The following RGS9 variants were observed in gnomAD, a reference collection of about 807,000 sequenced individuals.
The protein encoded by RGS9 is regulator of G-protein signalling 9.
A neutral mutation model predicts 102.0 loss-of-function variants in RGS9; 78 were observed. That is an observed-to-expected ratio of 0.76 (90% CI 0.64 to 0.92). The LOEUF (loss-of-function observed/expected upper bound fraction) is 0.92. RGS9 is among the 40% of genes least tolerant of loss of function. RGS9 has a pLI of 0.00. For missense variants in RGS9, 833 were observed against 866.1 expected (o/e 0.96, Z 0.48); for synonymous variants, 353 against 318.6 (o/e 1.11, Z -1.15).
At chr17:65,188,987 C>A in intron 9 of RGS9, 1 of 468,020 alleles carries the variant, frequency 2.1e-6, no homozygotes, top group Non-Finnish European at 3.9e-6. Context: ...ATTCTGTAGG[C>A]ACTATGCTAA....
chr17:65,161,777 T>C (rs1430754847), intron 6 of RGS9, among the ~76,000 whole-genome samples: 2 of 151,986 alleles, frequency 1.3e-5, no homozygotes, highest in Non-Finnish European at 2.9e-5. Context: ...TGGCCTATAG[T>C]GGTGCAGTCT....
At chr17:65,149,823 T>G (rs564780266) in intron 1 of RGS9, among the ~76,000 whole-genome samples, 1 of 152,200 alleles carries the variant, frequency 6.6e-6, no homozygotes. Flanking sequence ...CCCCATTTTA[T>G]GGAGAGAAAG....
At chr17:65,188,930 T>C (rs1912245538) in intron 9 of RGS9, 1 of 297,598 alleles carries the variant, frequency 3.4e-6, no homozygotes, top group African/African-American at 2.2e-5. Flanking sequence ...CATTTTTCTC[T>C]TAATCCATAT....
rs200149534 is a variant in RGS9, at chr17:65,225,004, G to C, written c.1410G>C (p.Pro470=). 6.2e-7 allele frequency: 1 copy of C among 1,613,554 alleles called. No individual in the cohort carries two copies. The highest frequency in any genetic ancestry group is 8.5e-7 in the Non-Finnish European group (1 of 1,179,990). Residue 470 remains proline (P), a splice_region_variant and synonymous_variant, in exon 18 of 19, where the codon CCG becomes CCC. Coordinates refer to ENST00000262406, the MANE Select transcript of RGS9 (RefSeq NM_003835.4). ...EAANTVDITQ[P]GQHMAPSPHL... is the part of the protein sequence containing the mutation. ...CTCTCTCCTTTCCTTCTCTACAGCC[G>C]GGCCAGCACATGGCTCCCAGCCCCC...
chr17:65,214,617 C>T (rs1311236625), intron 17 of RGS9, among the ~76,000 whole-genome samples: 1 of 152,200 alleles, frequency 6.6e-6, no homozygotes, highest in East Asian at 1.9e-4. Context: ...AGCCCAGGCA[C>T]GGCTACTGCT....
chr17:65,225,785 G>A (rs75671069), intron 18 of RGS9, among the ~76,000 whole-genome samples: 10,242 of 152,196 alleles, frequency 0.067, 873 homozygotes, highest in East Asian at 0.29. Context: ...TCCCAAGACC[G>A]TTATTAGTCT....
At chr17:65,149,218 C>A (rs1325351308) in intron 1 of RGS9, among the ~76,000 whole-genome samples, 2 of 152,112 alleles carry the variant, frequency 1.3e-5, no homozygotes, top group East Asian at 1.9e-4. Context: ...AAGTGATCCA[C>A]CCGCCTTGGC....
At chr17:65,186,919 C>T (rs1912146175) in intron 9 of RGS9, among the ~76,000 whole-genome samples, 1 of 152,108 alleles carries the variant, frequency 6.6e-6, no homozygotes. Flanking sequence ...TCTGAATAAC[C>T]CACTCCAGCA....
chr17:65,225,346 G>A lies in RGS9; in HGVS notation c.1752G>A (p.Arg584=). 6.2e-7 allele frequency: 1 copy of A among 1,611,674 alleles called. No homozygotes were observed. Among genetic ancestry groups the A allele is most frequent in the South Asian group, 1.1e-5 (1 of 91,090 alleles). Residue 584 remains arginine (R), a synonymous_variant, in exon 18 of 19, where the codon AGG becomes AGA. Transcript: ENST00000262406. ...PKARMALSFS[R]FLRRGCLASP... Reference sequence around the variant, plus strand: ...CCCGCATGGCTCTGTCCTTCAGCAGGTTTCTGAGACGAGGCTGTCTGGCCT... The same window carrying A: ...CCCGCATGGCTCTGTCCTTCAGCAGATTTCTGAGACGAGGCTGTCTGGCCT...
In RGS9 at chr17:65,219,984, CATCATCATCACT is replaced by C. The variant is rs1447313465; in HGVS notation, c.1408-5006_1408-4995del. Among the ~76,000 whole-genome samples the C allele has an allele frequency of 3.3e-5, 5 of 150,062 alleles. No homozygotes were observed. In the East Asian group the frequency reaches 9.7e-4, roughly 29 times the overall value. On this transcript the variant is annotated intron_variant, in intron 17 of 18. Transcript: ENST00000262406. ...ACCATCACCATTAATACACAATCATCATCATCATCACTATCATCATCACCATCAACATCACCA... is the reference window on the plus strand; with the variant it reads ...ACCATCACCATTAATACACAATCATCATCATCATCACCATCAACATCACCA...
In RGS9 at chr17:65,212,392, G is replaced by A. The variant is rs757092771; in HGVS notation, c.1407+1787G>A. On this transcript the variant is annotated intron_variant, in intron 17 of 18. Transcript: ENST00000262406. ...GGTACTGGGATAGGAAAGATGGGAT[G>A]TGTGTAGGCTATGCCCCTGCTAGCT... 1.2e-4 allele frequency among the ~76,000 whole-genome samples: 18 copies of A among 152,228 alleles called. 1 individual carries two copies. The highest frequency in any genetic ancestry group is 6.5e-5 in the Admixed American group (1 of 15,280).
rs541997493 is a variant in RGS9 at position 65,205,450 on chromosome 17, T to C, written c.1203+1149T>C. Among the ~76,000 whole-genome samples the C allele has an allele frequency of 4.6e-5, 7 of 152,220 alleles. No homozygotes were observed. The East Asian group carries it at 1.4e-3, about 29-fold the overall frequency. ...ACCATCTGATATAGGTTATATGAGATAGATTATATGACATAGGTTGCGTGA... is the reference window on the plus strand; with the variant it reads ...ACCATCTGATATAGGTTATATGAGACAGATTATATGACATAGGTTGCGTGA... On this transcript the variant is annotated intron_variant, in intron 15 of 18. Coordinates refer to ENST00000262406, the MANE Select transcript of RGS9 (RefSeq NM_003835.4).
At chr17:65,183,768 A>G (rs1161647100) in intron 9 of RGS9, among the ~76,000 whole-genome samples, 1 of 151,978 alleles carries the variant, frequency 6.6e-6, no homozygotes, top group East Asian at 1.9e-4. Flanking sequence ...CTCTGCAGAT[A>G]CCTGCCTGGC....
In RGS9 at chr17:65,202,444, T is replaced by TGTGTGTGTGAGAGA. The variant is rs3838367; in HGVS notation, c.1064+365_1064+366insTGTGTGTGAGAGAG. On this transcript the variant is annotated intron_variant, in intron 14 of 18. Transcript: ENST00000262406. The stretch of plus-strand genomic sequence containing the variant: ...GTGTGTGTGTGTGTGTGTGTGTGTG[T>TGTGTGTGTGAGAGA]GAGAGAGAGAGAGAGAGAGAGAGTG... Among the ~76,000 whole-genome samples the TGTGTGTGTGAGAGA allele has an allele frequency of 5.1e-3, 675 of 131,730 alleles. 4 individuals carry two copies. Among genetic ancestry groups the TGTGTGTGTGAGAGA allele is most frequent in the African/African-American group, 6.5e-3 (212 of 32,540 alleles). 86.4% of individuals were successfully genotyped at this position (131,730 alleles called of 152,430 possible).
At chr17:65,209,205 C>T (rs1317732701) in intron 16 of RGS9, among the ~76,000 whole-genome samples, 1 of 152,172 alleles carries the variant, frequency 6.6e-6, no homozygotes, top group Non-Finnish European at 1.5e-5. Context: ...ACCAGGACTA[C>T]AGTGGGTGTG....
At chr17:65,223,257 A>G (rs1905440644) in intron 17 of RGS9, among the ~76,000 whole-genome samples, 1 of 152,232 alleles carries the variant, frequency 6.6e-6, no homozygotes, top group Non-Finnish European at 1.5e-5. Flanking sequence ...GATTGTTATT[A>G]CTATAATAAC....
rs1001216465 is a variant in RGS9, at chr17:65,214,486, T to A, written c.1407+3881T>A. Among the ~76,000 whole-genome samples, 5 of 152,110 alleles carry A rather than the reference T, an allele frequency of 3.3e-5. No individual in the cohort carries two copies. In the East Asian group the frequency reaches 9.7e-4, roughly 29 times the overall value. On this transcript the variant is annotated intron_variant, in intron 17 of 18. Coordinates refer to ENST00000262406, the MANE Select transcript of RGS9 (RefSeq NM_003835.4). Reference sequence around the variant, plus strand: ...GAGGAACCCAGAGGTGGGAGAGAATTGTTTGGCTGGGGGATCATGATAAGG... The same window carrying A: ...GAGGAACCCAGAGGTGGGAGAGAATAGTTTGGCTGGGGGATCATGATAAGG...
chr17:65,174,801 A>G (rs1377296722), intron 8 of RGS9, among the ~76,000 whole-genome samples: 1 of 152,204 alleles, frequency 6.6e-6, no homozygotes, highest in Admixed American at 6.5e-5. Flanking sequence ...ACAGTTCTGC[A>G]TGGCTGGGGA....
At chr17:65,204,332 C>T (rs762734573) in intron 15 of RGS9, 31 bp downstream of exon 15, 1 of 1,612,326 alleles carries the variant, frequency 6.2e-7, no homozygotes, top group Non-Finnish European at 8.5e-7. Flanking sequence ...GATACGGGGT[C>T]CAGATAGGCT....
Sources: gnomAD v4.1 joint callset for allele counts (sites outside exome capture counted in the v4.1 genomes callset) on GRCh38, gnomAD v4.1.1 for gene constraint, MANE v1.5 for transcripts, NCBI Gene and HGNC (gene_info 2026-07-23, HGNC 2026-07-21) for gene names.